Variants in RAB11FIP4 observed in about 807,000 individuals in gnomAD.
RAB11FIP4 encodes the protein rab11 family-interacting protein 4.
In RAB11FIP4, 23 loss-of-function variants were observed where a neutral mutation model predicts 74.3. The ratio of observed to expected loss-of-function variants is 0.31; its 90% CI spans 0.22 to 0.44. RAB11FIP4 has a LOEUF of 0.44. Among genes scored for constraint, RAB11FIP4 ranks in the 20% least tolerant of loss-of-function variants. The pLI, the probability that RAB11FIP4 is intolerant of heterozygous loss-of-function variation, is 1.00. For missense variants in RAB11FIP4, 630 were observed against 863.9 expected, an observed-to-expected ratio of 0.73 and a Z score of 3.39; for synonymous variants, 360 against 359.9, an observed-to-expected ratio of 1.00 and a Z score of 0.00.
At chr17:31,525,803 G>C (rs2072756854) in intron 10 of RAB11FIP4, 1 of 156,414 alleles carries the variant, frequency 6.4e-6, no homozygotes, top group Admixed American at 6.0e-5. Context: ...CTGCCCACGG[G>C]TGAGGGCTAT....
At chr17:31,493,318 C>T (rs2072047962) in intron 3 of RAB11FIP4, among the ~76,000 whole-genome samples, 1 of 152,052 alleles carries the variant, frequency 6.6e-6, no homozygotes, top group Non-Finnish European at 1.5e-5. Flanking sequence ...TTTGAGGTAC[C>T]AGAAAGAGGA....
chr17:31,411,270 A>T (rs2071092316), intron 1 of RAB11FIP4, among the ~76,000 whole-genome samples: 1 of 152,216 alleles, frequency 6.6e-6, no homozygotes, highest in African/African-American at 2.4e-5. Flanking sequence ...AGGCTGAGGC[A>T]GGAGAATAGC....
rs1041236774 is a variant in RAB11FIP4, at chr17:31,447,250, C to T, written c.336+13128C>T. ...AATGAGCCGAGATTGTGCCACTGCA[C>T]TCCAACCTGGGCCACAGAGCGTGAG... is the stretch of plus-strand genomic sequence containing the variant. On this transcript the variant is annotated intron_variant, in intron 3 of 14. Transcript: ENST00000621161. Among the ~76,000 whole-genome samples, 5 of 152,352 alleles carry T rather than the reference C, an allele frequency of 3.3e-5. No homozygotes were observed. In the East Asian group the frequency reaches 9.6e-4, roughly 29 times the overall value.
At chr17:31,432,891 C>T (rs1190427389) in intron 2 of RAB11FIP4, among the ~76,000 whole-genome samples, 3 of 152,086 alleles carry the variant, frequency 2.0e-5, no homozygotes, top group East Asian at 1.9e-4. Context: ...TTTGGGAGGC[C>T]GAGGCAGGCG....
At chr17:31,494,441 C>T (rs1490325849) in intron 3 of RAB11FIP4, among the ~76,000 whole-genome samples, 2 of 151,978 alleles carry the variant, frequency 1.3e-5, no homozygotes, top group African/African-American at 4.8e-5. Context: ...ATTCTTAGTT[C>T]CTGCAGGCTT....
At chr17:31,422,671 C>T (rs1432279531) in intron 1 of RAB11FIP4, among the ~76,000 whole-genome samples, 2 of 151,884 alleles carry the variant, frequency 1.3e-5, no homozygotes, top group East Asian at 1.9e-4. Flanking sequence ...CTGTGATTTC[C>T]GTTCTGCTAT....
chr17:31,400,775 C>G (rs2070977676), intron 1 of RAB11FIP4, among the ~76,000 whole-genome samples: 1 of 152,160 alleles, frequency 6.6e-6, no homozygotes, highest in Non-Finnish European at 1.5e-5. Context: ...TCGGGAGCTC[C>G]ACGTTGGCCT....
chr17:31,402,171 G>T lies in RAB11FIP4; in HGVS notation c.159+10160G>T, dbSNP rs142954299. 2.4e-3 allele frequency among the ~76,000 whole-genome samples: 356 copies of T among 146,598 alleles called. 1 individual carries two copies. The South Asian group carries it at 0.032, about 13-fold the overall frequency. On this transcript the variant is annotated intron_variant, in intron 1 of 14. Coordinates refer to ENST00000621161, the MANE Select transcript of RAB11FIP4 (RefSeq NM_032932.6). ...ATCCACCCTTCTGCCCACTTCCGTA[G>T]CCTCCCCATCTGTCCATGCATCCAT...
chr17:31,505,523 A>T (rs1164432904), intron 3 of RAB11FIP4, among the ~76,000 whole-genome samples: 1 of 81,070 alleles, frequency 1.2e-5, no homozygotes, highest in Non-Finnish European at 2.3e-5. Context: ...ATAATTATAT[A>T]TTATATATAA....
intron 3 of RAB11FIP4, among the ~76,000 whole-genome samples, chr17:31,475,941 C>T (rs1320677514): frequency 2.0e-5 from 3 of 151,942 alleles, no homozygotes; most frequent in South Asian, 2.1e-4. Flanking sequence ...GCATGAGCTA[C>T]AGTGAGTTCA....
chr17:31,530,051 T>TG (rs2072839000), intron 13 of RAB11FIP4, among the ~76,000 whole-genome samples: 1 of 152,196 alleles, frequency 6.6e-6, no homozygotes, highest in African/African-American at 2.4e-5. Context: ...GAGGAAGGGA[T>TG]GGCCAGGAGC....
At position 31,527,939 on chromosome 17, in the gene RAB11FIP4, AG is replaced by A; in HGVS notation, c.1356+18del. On this transcript the variant is annotated intron_variant, in intron 11 of 14. Transcript: ENST00000621161. ...ACTGGATGAGGTGAGCAGCAGATCCAGGCTTGGAGGGGCAGGGCTGGCCATC... is the reference window on the plus strand; with the variant it reads ...ACTGGATGAGGTGAGCAGCAGATCCAGCTTGGAGGGGCAGGGCTGGCCATC... 6.3e-7 allele frequency: 1 copy of A among 1,578,294 alleles called. No homozygotes were observed. Among genetic ancestry groups the A allele is most frequent in the Non-Finnish European group, 8.6e-7 (1 of 1,159,940 alleles).
chr17:31,409,618 G>A (rs1195368965), intron 1 of RAB11FIP4, among the ~76,000 whole-genome samples: 1 of 152,190 alleles, frequency 6.6e-6, no homozygotes. Flanking sequence ...AAGCTCTCTT[G>A]GTTCCCACCC....
At chr17:31,428,053 G>T (rs2071270749) in intron 1 of RAB11FIP4, among the ~76,000 whole-genome samples, 1 of 152,198 alleles carries the variant, frequency 6.6e-6, no homozygotes, top group African/African-American at 2.4e-5. Flanking sequence ...CGGCCCCTCT[G>T]CCCTTCCCTC....
At position 31,521,368 on chromosome 17, in the gene RAB11FIP4, C is replaced by A; in HGVS notation, c.758+8C>A. On this transcript the variant is annotated splice_region_variant and intron_variant, in intron 5 of 14. Transcript: ENST00000621161. ...GTCTTCGGTGTCTTCCAGGTGGCCC[C>A]TTGGTCTGGGATGTCATTTGGGGTC... is the stretch of plus-strand genomic sequence containing the variant. 1 of 1,588,082 alleles carries A rather than the reference C, an allele frequency of 6.3e-7. No individual in the cohort carries two copies.
At chr17:31,451,960 A>G (rs1421848949) in intron 3 of RAB11FIP4, among the ~76,000 whole-genome samples, 2 of 152,098 alleles carry the variant, frequency 1.3e-5, no homozygotes, top group Non-Finnish European at 2.9e-5. Flanking sequence ...CGATAACTGC[A>G]TATGTTGTGT....
At chr17:31,434,930 A>G in intron 3 of RAB11FIP4, among the ~76,000 whole-genome samples, 1 of 152,222 alleles carries the variant, frequency 6.6e-6, no homozygotes, top group East Asian at 1.9e-4. Context: ...TGATGCTTGT[A>G]ATCCCAGCAC....
At chr17:31,441,176 C>A (rs995691571) in intron 3 of RAB11FIP4, among the ~76,000 whole-genome samples, 1 of 151,962 alleles carries the variant, frequency 6.6e-6, no homozygotes, top group Non-Finnish European at 1.5e-5. Flanking sequence ...AGGTGCCCAC[C>A]ACCATGCCCG....
intron 3 of RAB11FIP4, among the ~76,000 whole-genome samples, chr17:31,454,496 A>C (rs1319085295): frequency 1.3e-5 from 2 of 152,012 alleles, no homozygotes; most frequent in Admixed American, 1.3e-4. Flanking sequence ...TTGTTCTCGA[A>C]CCCATGACCT....
Sources: gnomAD v4.1 joint callset for allele counts (sites outside exome capture counted in the v4.1 genomes callset) on GRCh38, gnomAD v4.1.1 for gene constraint, MANE v1.5 for transcripts, NCBI Gene and HGNC (gene_info 2026-07-23, HGNC 2026-07-21) for gene names.